PIK3C3: variants seen among roughly 807,000 people sequenced by gnomAD.
PIK3C3 encodes the protein PI3-kinase type 3.
Under a neutral mutation model 126.1 loss-of-function variants are expected in PIK3C3, and 95 were observed. The observed-to-expected ratio is 0.75, with a 90% confidence interval of 0.64 to 0.89. The LOEUF (loss-of-function observed/expected upper bound fraction) is 0.89. PIK3C3 is among the 40% of genes least tolerant of loss of function. PIK3C3 has a pLI of 0.00. For synonymous variants in PIK3C3, 374 were observed against 360.0 expected (o/e 1.04, Z -0.44); for missense variants, 829 against 1,063.2 (o/e 0.78, Z 3.06).
At position 42,058,939 on chromosome 18, in the gene PIK3C3, G is replaced by A. The variant is rs539151985; in HGVS notation, c.2432+888G>A. ...CAGGTGAAAATATAACCAATAGATA[G>A]CCAGTTGCCTGTGCACATGGGTTCT... On this transcript the variant is annotated intron_variant, in intron 22 of 24. Coordinates refer to ENST00000262039, the MANE Select transcript of PIK3C3 (RefSeq NM_002647.4). 5.3e-5 allele frequency among the ~76,000 whole-genome samples: 8 copies of A among 152,286 alleles called. No homozygotes were observed. In the East Asian group the frequency reaches 1.5e-3, roughly 29 times the overall value.
chr18:42,079,589 CAA>C (rs1055413121), intron 24 of PIK3C3, among the ~76,000 whole-genome samples: 1 of 144,086 alleles, frequency 6.9e-6, no homozygotes, highest in African/African-American at 2.6e-5. Flanking sequence ...TAAAAAAAAA[CAA>C]AACAAAACAG....
At chr18:42,003,321 A>G (rs1238302167) in intron 9 of PIK3C3, among the ~76,000 whole-genome samples, 1 of 152,212 alleles carries the variant, frequency 6.6e-6, no homozygotes, top group Admixed American at 6.5e-5. Context: ...ATTTTTCAAC[A>G]AATAGCAACA....
intron 2 of PIK3C3, among the ~76,000 whole-genome samples, chr18:41,960,336 T>G (rs1980013829): frequency 2.0e-5 from 3 of 152,254 alleles, no homozygotes. Context: ...GGAAGTAGTT[T>G]ACATTTTTAA....
At position 42,051,569 on chromosome 18, in the gene PIK3C3, T is replaced by G. The variant is rs563724959; in HGVS notation, c.2263+1964T>G. On this transcript the variant is annotated intron_variant, in intron 21 of 24. Transcript: ENST00000262039. ...GAAAAATCATCTGTTAGAACTTGCA[T>G]GGGTGATGTCATGTCTGTGTCAAAG... Among the ~76,000 whole-genome samples, 4 of 152,278 alleles carry G rather than the reference T, an allele frequency of 2.6e-5. No homozygotes were observed. In the East Asian group the frequency reaches 5.8e-4, roughly 22 times the overall value.
intron 4 of PIK3C3, among the ~76,000 whole-genome samples, chr18:41,981,464 C>T (rs1184893029): frequency 1.3e-5 from 2 of 152,060 alleles, no homozygotes; most frequent in African/African-American, 4.8e-5. Flanking sequence ...TTTACATGTA[C>T]AGTTTGAAAG....
intron 21 of PIK3C3, among the ~76,000 whole-genome samples, chr18:42,057,277 TACTC>T (rs1985111964): frequency 1.8e-5 from 2 of 109,268 alleles, no homozygotes; most frequent in East Asian, 6.4e-4. Context: ...TACTATACAT[TACTC>T]TTACTATACA....
At chr18:42,066,904 ATTG>A (rs1158409979) in intron 23 of PIK3C3, among the ~76,000 whole-genome samples, 1 of 152,162 alleles carries the variant, frequency 6.6e-6, no homozygotes, top group Non-Finnish European at 1.5e-5. Context: ...TTTGTCAGTG[ATTG>A]ACATTGTTCC....
At chr18:42,076,129 T>TGCAC (rs1246174144) in intron 24 of PIK3C3, among the ~76,000 whole-genome samples, 15 of 81,724 alleles carry the variant, frequency 1.8e-4, no homozygotes, top group African/African-American at 1.2e-3. Context: ...TATGCGCATA[T>TGCAC]ATATATATAT....
chr18:41,996,673 A>C lies in PIK3C3; in HGVS notation c.927A>C (p.Thr309=). Residue 309 remains threonine, a synonymous_variant, in exon 9 of 25, where the codon ACA becomes ACC. Coordinates refer to ENST00000262039, the MANE Select transcript of PIK3C3 (RefSeq NM_002647.4). ...GTTATCCACCAACCAAGCAACTTACATATGAAGAACAAGATCTTGTTTGGA... is the reference window on the plus strand; with the variant it reads ...GTTATCCACCAACCAAGCAACTTACCTATGAAGAACAAGATCTTGTTTGGA... ...IVSYPPTKQL[T]YEEQDLVWKF... 1 of 1,578,408 alleles carries C rather than the reference A, an allele frequency of 6.3e-7. No homozygotes were observed. Among genetic ancestry groups the C allele is most frequent in the Admixed American group, 1.8e-5 (1 of 55,294 alleles).
chr18:41,989,946 A>T (rs1463330380), intron 5 of PIK3C3, among the ~76,000 whole-genome samples: 1 of 152,200 alleles, frequency 6.6e-6, no homozygotes, highest in Non-Finnish European at 1.5e-5. Context: ...TTTTAAGACC[A>T]TTTATAAATT....
At chr18:42,038,033 T>C (rs542748827) in intron 17 of PIK3C3, among the ~76,000 whole-genome samples, 1 of 152,336 alleles carries the variant, frequency 6.6e-6, no homozygotes, top group East Asian at 1.9e-4. Flanking sequence ...CTGTATGTGT[T>C]CCATTAATTT....
intron 15 of PIK3C3, among the ~76,000 whole-genome samples, chr18:42,029,775 G>A (rs867522858): frequency 2.0e-5 from 3 of 151,580 alleles, no homozygotes; most frequent in Non-Finnish European, 4.4e-5. Flanking sequence ...ACTCCTGACC[G>A]TAGGTGATCC....
intron 9 of PIK3C3, 99 bp from the exon 10 acceptor site, chr18:42,004,257 C>G: frequency 1.2e-6 from 1 of 826,262 alleles, no homozygotes; most frequent in Non-Finnish European, 2.0e-6. Context: ...TCACTGACTC[C>G]GTGGCTCTGT....
intron 15 of PIK3C3, among the ~76,000 whole-genome samples, chr18:42,032,624 TTTTATTTA>T (rs139558444): frequency 0.012 from 1,662 of 144,058 alleles, 10 homozygotes; most frequent in East Asian, 0.054. Context: ...TTTCTGGTTA[TTTTATTTA>T]TTTATTTATT....
intron 20 of PIK3C3, among the ~76,000 whole-genome samples, chr18:42,048,708 A>AT (rs1446786981): frequency 1.3e-5 from 2 of 152,206 alleles, no homozygotes; most frequent in Admixed American, 6.5e-5. Flanking sequence ...AATGAACTTT[A>AT]TTATTTATTG....
intron 15 of PIK3C3, among the ~76,000 whole-genome samples, chr18:42,030,979 G>A (rs1323001098): frequency 6.6e-6 from 1 of 152,072 alleles, no homozygotes; most frequent in African/African-American, 2.4e-5. Flanking sequence ...TTCTCACATA[G>A]CCTATATTTT....
chr18:42,029,489 GA>G, intron 15 of PIK3C3, 48 bp downstream of exon 15: 1 of 820,070 alleles, frequency 1.2e-6, no homozygotes, highest in South Asian at 1.4e-5. Flanking sequence ...CTTGGCATCA[GA>G]AAATACTGAA....
At chr18:42,027,599 AGCCTGTT>A (rs1437333849) in intron 14 of PIK3C3, 51 bp downstream of exon 14, 3 of 1,002,978 alleles carry the variant, frequency 3.0e-6, no homozygotes, top group African/African-American at 1.6e-5. Flanking sequence ...GGCCAAATTC[AGCCTGTT>A]GCCTGTTTAG....
Position 42,079,998 on chromosome 18 carries a change from A to AGAGTGT in PIK3C3, c.2650-1124_2650-1123insAGTGTG, listed in dbSNP as rs371056566. Among the ~76,000 whole-genome samples the AGAGTGT allele has an allele frequency of 5.4e-3, 744 of 137,420 alleles. 6 individuals are homozygous for AGAGTGT. Among genetic ancestry groups the AGAGTGT allele is most frequent in the African/African-American group, 0.018 (689 of 38,098 alleles). 90.2% of individuals were successfully genotyped at this position (137,420 alleles called of 152,430 possible). On this transcript the variant is annotated intron_variant, in intron 24 of 24. Transcript: ENST00000262039. ...GTGTGTGTGTGTATGTAAGAGAGAG[A>AGAGTGT]GTGTGTGTGTGTGTGTGTGTGTGTG... is the stretch of plus-strand genomic sequence containing the variant.
Sources: gnomAD v4.1 joint callset for allele counts (sites outside exome capture counted in the v4.1 genomes callset) on GRCh38, gnomAD v4.1.1 for gene constraint, MANE v1.5 for transcripts, NCBI Gene and HGNC (gene_info 2026-07-23, HGNC 2026-07-21) for gene names.